Variants in STRBP observed in about 807,000 individuals in gnomAD.
STRBP encodes spermatid perinuclear RNA binding protein.
Under a neutral mutation model 80.1 loss-of-function variants are expected in STRBP, and 13 were observed. That is an observed-to-expected ratio of 0.16 (90% confidence interval 0.11 to 0.26). STRBP has a LOEUF of 0.26. Among genes scored for constraint, STRBP ranks in the 10% least tolerant of loss-of-function variants. The pLI, the probability that STRBP is intolerant of heterozygous loss-of-function variation, is 1.00. For synonymous variants in STRBP, 284 were observed against 291.2 expected (o/e 0.98, Z 0.25); for missense variants, 485 against 815.2 (o/e 0.59, Z 4.93).
At chr9:123,117,284 C>A (rs1478682298), downstream of STRBP, among the ~76,000 whole-genome samples, 2 of 152,080 alleles carry the variant, frequency 1.3e-5, no homozygotes, top group Admixed American at 1.3e-4. Flanking sequence ...TTGCCAAGTG[C>A]CCAGAAAGAG....
intron 2 of STRBP, chr9:123,212,436 C>T (rs2039744894): frequency 6.6e-6 from 1 of 152,130 alleles, no homozygotes; most frequent in Non-Finnish European, 1.5e-5. Context: ...TATTTATTAG[C>T]TGCAAGGTTT....
At chr9:123,243,979 T>C (rs978643412) in intron 1 of STRBP, among the ~76,000 whole-genome samples, 5 of 152,216 alleles carry the variant, frequency 3.3e-5, no homozygotes, top group African/African-American at 4.8e-5. Context: ...CAAATGTTTA[T>C]AGCAGTTCTG....
In STRBP at chr9:123,126,007, A is replaced by G. The variant is rs7044347; in HGVS notation, c.1943-334T>C. On this transcript the variant is annotated intron_variant, in intron 18 of 18. Coordinates refer to ENST00000348403, the MANE Select transcript of STRBP (RefSeq NM_018387.5). The surrounding 1 kb of genome is among the most constrained non-coding windows in gnomAD (Gnocchi z 4.4). ...CTGTAGAAATCCATATTGGTTCTCAATGTGGCATATCACATATTCCAGGAG... is the reference window on the plus strand; with the variant it reads ...CTGTAGAAATCCATATTGGTTCTCAGTGTGGCATATCACATATTCCAGGAG... 0.33 allele frequency among the ~76,000 whole-genome samples: 50,317 copies of G among 152,140 alleles called. 12,566 individuals carry two copies. Among genetic ancestry groups the G allele is most frequent in the East Asian group, 0.75 (3,873 of 5,176 alleles).
intron 2 of STRBP, among the ~76,000 whole-genome samples, chr9:123,231,899 T>C (rs532334183): frequency 2.6e-5 from 4 of 152,238 alleles, no homozygotes; most frequent in Non-Finnish European, 5.9e-5. Context: ...ATACTGCGAA[T>C]GTACCAATCT....
intron 1 of STRBP, among the ~76,000 whole-genome samples, chr9:123,262,779 T>C (rs1224288895): frequency 6.6e-6 from 1 of 152,218 alleles, no homozygotes; most frequent in East Asian, 1.9e-4. Flanking sequence ...TAGGATGCAC[T>C]TAATGGACCC....
At chr9:123,175,051 T>C (rs2038163315) in intron 4 of STRBP, among the ~76,000 whole-genome samples, 1 of 152,190 alleles carries the variant, frequency 6.6e-6, no homozygotes, top group Non-Finnish European at 1.5e-5. Context: ...AAGTAACATC[T>C]GAGCACAAAC....
intron 1 of STRBP, among the ~76,000 whole-genome samples, chr9:123,255,527 T>C (rs1212545706): frequency 3.3e-5 from 5 of 152,216 alleles, no homozygotes; most frequent in Admixed American, 2.6e-4. Flanking sequence ...GTAAGTTGTA[T>C]CAAGCTACTG....
At chr9:123,173,566 CT>C in intron 5 of STRBP, 110 bp downstream of exon 5, 1 of 1,148,566 alleles carries the variant, frequency 8.7e-7, no homozygotes, top group Non-Finnish European at 1.2e-6. Flanking sequence ...CTCATTTTGT[CT>C]GTGTCTATCC....
intron 2 of STRBP, among the ~76,000 whole-genome samples, chr9:123,208,687 GCCTGGGAGGTCTCTC>G: frequency 6.6e-6 from 1 of 152,260 alleles, no homozygotes; most frequent in East Asian, 1.9e-4. Context: ...TCATCCAGAT[GCCTGGGAGGTCTCTC>G]AATTGTGGCT....
intron 13 of STRBP, among the ~76,000 whole-genome samples, chr9:123,143,384 G>A (rs1452838238): frequency 6.6e-6 from 1 of 152,240 alleles, no homozygotes; most frequent in African/African-American, 2.4e-5. Flanking sequence ...AGCCAGGCCA[G>A]ACTCATGTGA....
downstream of STRBP, among the ~76,000 whole-genome samples, chr9:123,119,739 A>C (rs2035700432): frequency 6.6e-6 from 1 of 152,118 alleles, no homozygotes; most frequent in African/African-American, 2.4e-5. Context: ...ACATTCACTG[A>C]GTACGTACTC....
At chr9:123,134,534 G>C (rs999286313) in intron 16 of STRBP, among the ~76,000 whole-genome samples, 1 of 152,158 alleles carries the variant, frequency 6.6e-6, no homozygotes, top group African/African-American at 2.4e-5. Context: ...CTTCTTGGCC[G>C]TCAAGCACAT....
Position 123,132,954 on chromosome 9 carries a change from C to T in STRBP, c.1788G>A (p.Val596=). The change falls in exon 17 of 19, where the codon GTG becomes GTA. Residue 596 remains valine (V), a synonymous_variant. Coordinates refer to ENST00000348403, the MANE Select transcript of STRBP (RefSeq NM_018387.5). ...KKIIPQAKGV[V]NTAVSAAVQA... ...GGACTGCTGCAGACACAGCTGTATTCACAACGCCCTTTGCCTGTTAAAATA... is the reference window on the plus strand; with the variant it reads ...GGACTGCTGCAGACACAGCTGTATTTACAACGCCCTTTGCCTGTTAAAATA... 6.2e-7 allele frequency: 1 copy of T among 1,613,834 alleles called. No homozygotes were observed. Among genetic ancestry groups the T allele is most frequent in the Non-Finnish European group, 8.5e-7 (1 of 1,179,866 alleles).
intron 2 of STRBP, among the ~76,000 whole-genome samples, chr9:123,207,675 T>C (rs2039568342): frequency 2.0e-5 from 3 of 152,268 alleles, no homozygotes; most frequent in Admixed American, 2.0e-4. Flanking sequence ...AAGGCATGTG[T>C]ATACCTATTC....
At chr9:123,199,127 G>T (rs985946599) in intron 2 of STRBP, among the ~76,000 whole-genome samples, 2 of 152,088 alleles carry the variant, frequency 1.3e-5, no homozygotes, top group African/African-American at 4.8e-5. Context: ...AGTAGAGATG[G>T]GGTTTCATCA....
At chr9:123,142,941 TG>T (rs1403857822) in intron 13 of STRBP, among the ~76,000 whole-genome samples, 4 of 152,160 alleles carry the variant, frequency 2.6e-5, no homozygotes, top group Admixed American at 2.6e-4. Flanking sequence ...ACAAGGTGAC[TG>T]GGAAATCATC....
chr9:123,196,166 A>C (rs2039083176), intron 2 of STRBP, among the ~76,000 whole-genome samples: 1 of 152,228 alleles, frequency 6.6e-6, no homozygotes, highest in Admixed American at 6.5e-5. Flanking sequence ...AAAACTGGAT[A>C]TCCATATGCG....
intron 16 of STRBP, among the ~76,000 whole-genome samples, chr9:123,135,412 G>A (rs2036309727): frequency 6.6e-6 from 1 of 152,136 alleles, no homozygotes. Flanking sequence ...GGCATATGAT[G>A]TATGACTAGA....
intron 2 of STRBP, among the ~76,000 whole-genome samples, chr9:123,214,855 CA>C (rs1205903375): frequency 6.6e-6 from 1 of 152,138 alleles, no homozygotes; most frequent in Non-Finnish European, 1.5e-5. Context: ...TATATATGTA[CA>C]AAATCCTGGC....
Sources: allele counts gnomAD v4.1 joint callset (sites outside exome capture counted in the v4.1 genomes callset), GRCh38; gene constraint gnomAD v4.1.1; non-coding constraint Gnocchi (gnomAD v3.1); transcripts MANE v1.5; gene names NCBI Gene and HGNC (gene_info 2026-07-23, HGNC 2026-07-21).